Variants in FBXL7 observed in about 807,000 individuals in gnomAD.
FBXL7 encodes F-box/LRR-repeat protein 7.
In FBXL7, 12 loss-of-function variants were observed where a neutral mutation model predicts 38.3. The ratio of observed to expected loss-of-function variants is 0.31; its 90% CI spans 0.20 to 0.51. The LOEUF is 0.51. Ranked by LOEUF, FBXL7 falls within the 20% of genes least tolerant of loss-of-function variation. The pLI is 0.98. For missense variants in FBXL7, 567 were observed against 676.4 expected (o/e 0.84, Z 1.79); for synonymous variants, 297 against 300.9 (o/e 0.99, Z 0.13).
At chr5:15,847,331 A>G (rs560123830) in intron 2 of FBXL7, among the ~76,000 whole-genome samples, 1 of 152,304 alleles carries the variant, frequency 6.6e-6, no homozygotes, top group South Asian at 2.1e-4. Context: ...GAGCAAAAGC[A>G]GGGAAAGCCC....
intron 2 of FBXL7, among the ~76,000 whole-genome samples, chr5:15,708,009 A>G (rs761858951): frequency 8.5e-5 from 13 of 152,120 alleles, no homozygotes; most frequent in Non-Finnish European, 1.8e-4. Context: ...TCAATGCTTT[A>G]TCTTGCTCTC....
chr5:15,619,100 T>C (rs1250882362), intron 2 of FBXL7, among the ~76,000 whole-genome samples: 1 of 152,168 alleles, frequency 6.6e-6, no homozygotes, highest in South Asian at 2.1e-4. Context: ...CGCGGAGCCC[T>C]CTTTACCCTT....
rs181919151 is a variant in FBXL7, at chr5:15,705,831, T to A, written c.127+89759T>A. Among the ~76,000 whole-genome samples, 354 of 152,294 alleles carry A rather than the reference T, an allele frequency of 2.3e-3. 3 individuals carry two copies. The highest frequency in any genetic ancestry group is 8.1e-3 in the African/African-American group (338 of 41,560). On this transcript the variant is annotated intron_variant, in intron 2 of 3. Coordinates refer to ENST00000504595, the MANE Select transcript of FBXL7 (RefSeq NM_012304.5). ...ATCTAATGGGTTCAATTGATAATCT[T>A]GTTTTTTTAAACAAATAAATAAATA...
intron 2 of FBXL7, among the ~76,000 whole-genome samples, chr5:15,780,487 T>G (rs1736965757): frequency 6.6e-6 from 1 of 152,160 alleles, no homozygotes; most frequent in Admixed American, 6.5e-5. Flanking sequence ...AACAATTTGT[T>G]AGGTAAATTT....
At chr5:15,608,402 A>T (rs1004458426) in intron 1 of FBXL7, among the ~76,000 whole-genome samples, 1 of 152,124 alleles carries the variant, frequency 6.6e-6, no homozygotes, top group African/African-American at 2.4e-5. Context: ...AGTTTGAGAG[A>T]TGTTCACCTG....
At position 15,521,367 on chromosome 5, in the gene FBXL7, C is replaced by A. The variant is rs561198994; in HGVS notation, c.37+20654C>A. ...AAGGTTTCACACATAGCAGAGTTCTCATAGTGATTGTAAGATTATTGGTTG... is the reference window on the plus strand; with the variant it reads ...AAGGTTTCACACATAGCAGAGTTCTAATAGTGATTGTAAGATTATTGGTTG... On this transcript the variant is annotated intron_variant, in intron 1 of 3. Coordinates refer to ENST00000504595, the MANE Select transcript of FBXL7 (RefSeq NM_012304.5). 7.4e-4 allele frequency among the ~76,000 whole-genome samples: 113 copies of A among 152,286 alleles called. 1 individual carries two copies. The highest frequency in any genetic ancestry group is 2.6e-3 in the African/African-American group (109 of 41,554).
At position 15,500,636 on chromosome 5, in the gene FBXL7, T is replaced by A. The variant is rs1487249198; in HGVS notation, c.-41T>A. 3.0e-5 allele frequency: 48 copies of A among 1,613,204 alleles called. No individual in the cohort carries two copies. Among genetic ancestry groups the A allele is most frequent in the Non-Finnish European group, 3.8e-5 (45 of 1,179,520 alleles). On this transcript the variant is annotated 5_prime_UTR_variant, in exon 1 of 4. Coordinates refer to ENST00000504595, the MANE Select transcript of FBXL7 (RefSeq NM_012304.5). The stretch of plus-strand genomic sequence containing the variant: ...GAGCGCGCAGGACGTGCGCCGCAGC[T>A]ATGGAGTGTCCCGGGAGACGGCGGG...
At chr5:15,765,486 C>T (rs1199206831) in intron 2 of FBXL7, among the ~76,000 whole-genome samples, 1 of 152,202 alleles carries the variant, frequency 6.6e-6, no homozygotes, top group African/African-American at 2.4e-5. Context: ...TGTGTTATGA[C>T]ACCAGGTTCT....
At chr5:15,686,692 A>G (rs149878425) in intron 2 of FBXL7, among the ~76,000 whole-genome samples, 1 of 152,358 alleles carries the variant, frequency 6.6e-6, no homozygotes, top group East Asian at 1.9e-4. Flanking sequence ...TGTAATTTAG[A>G]AGGTGAAATG....
intron 2 of FBXL7, among the ~76,000 whole-genome samples, chr5:15,826,064 C>A (rs1422932487): frequency 6.6e-6 from 1 of 152,154 alleles, no homozygotes; most frequent in Non-Finnish European, 1.5e-5. Flanking sequence ...GCCAACATTT[C>A]TTCGCTAGGT....
chr5:15,728,341 T>C (rs989331730), intron 2 of FBXL7, among the ~76,000 whole-genome samples: 2 of 152,160 alleles, frequency 1.3e-5, no homozygotes, highest in Non-Finnish European at 2.9e-5. Flanking sequence ...TGCCTCTATT[T>C]TTGCAGATAA....
chr5:15,563,220 C>A (rs1350482999), intron 1 of FBXL7, among the ~76,000 whole-genome samples: 2 of 152,092 alleles, frequency 1.3e-5, no homozygotes, highest in Admixed American at 6.5e-5. Context: ...TTTGCATCTT[C>A]AGTACTTAGT....
intron 2 of FBXL7, among the ~76,000 whole-genome samples, chr5:15,788,042 T>C (rs1177556756): frequency 2.0e-5 from 3 of 152,158 alleles, no homozygotes; most frequent in Non-Finnish European, 4.4e-5. Context: ...TGGCAATTTA[T>C]GGCGTTCCTT....
At chr5:15,906,620 T>C (rs1331664831) in intron 2 of FBXL7, among the ~76,000 whole-genome samples, 3 of 133,564 alleles carry the variant, frequency 2.2e-5, no homozygotes, top group African/African-American at 8.7e-5. Context: ...CACCCACTAA[T>C]GTGTCATCTA....
intron 1 of FBXL7, among the ~76,000 whole-genome samples, chr5:15,516,096 CT>C (rs200960851): frequency 2.6e-5 from 4 of 151,384 alleles, no homozygotes; most frequent in African/African-American, 7.3e-5. Flanking sequence ...ACTCAAAATT[CT>C]TTTTTTTTGA....
chr5:15,801,164 G>T (rs1579474071), intron 2 of FBXL7, among the ~76,000 whole-genome samples: 1 of 152,162 alleles, frequency 6.6e-6, no homozygotes, highest in Non-Finnish European at 1.5e-5. Flanking sequence ...GATTGTGTTT[G>T]TTAACCACAT....
chr5:15,672,193 T>C (rs941178851), intron 2 of FBXL7, among the ~76,000 whole-genome samples: 2 of 152,206 alleles, frequency 1.3e-5, no homozygotes, highest in African/African-American at 4.8e-5. Context: ...TAGGTATCGT[T>C]TGACCATATA....
intron 2 of FBXL7, among the ~76,000 whole-genome samples, chr5:15,799,631 G>A (rs1291066921): frequency 2.0e-5 from 3 of 152,148 alleles, no homozygotes; most frequent in Non-Finnish European, 4.4e-5. Flanking sequence ...CGAAGTGCTA[G>A]GATTACAGGC....
At chr5:15,763,392 T>C (rs1186190450) in intron 2 of FBXL7, among the ~76,000 whole-genome samples, 8 of 152,208 alleles carry the variant, frequency 5.3e-5, no homozygotes, top group Non-Finnish European at 1.2e-4. Context: ...AATAAGTGTG[T>C]TAGAATTTTT....
Sources: gnomAD v4.1 joint callset for allele counts (sites outside exome capture counted in the v4.1 genomes callset) on GRCh38, gnomAD v4.1.1 for gene constraint, MANE v1.5 for transcripts, NCBI Gene and HGNC (gene_info 2026-07-23, HGNC 2026-07-21) for gene names.